The following GRID2 variants were observed in gnomAD, a reference collection of about 807,000 sequenced individuals.
GRID2 encodes the protein glutamate ionotropic receptor delta type subunit 2.
A neutral mutation model predicts 114.8 loss-of-function variants in GRID2; 33 were observed. The ratio of observed to expected loss-of-function variants is 0.29; its 90% CI spans 0.22 to 0.38. The LOEUF (loss-of-function observed/expected upper bound fraction) is 0.38, where lower values mean the gene tolerates loss of function less well. GRID2 is among the 10% of genes least tolerant of loss of function. GRID2 has a pLI of 1.00. For synonymous variants in GRID2, 505 were observed against 449.9 expected (o/e 1.12, Z -1.55); for missense variants, 1,184 against 1,257.7 (o/e 0.94, Z 0.89).
At chr4:92,990,047 A>G (rs1322262832) in intron 2 of GRID2, among the ~76,000 whole-genome samples, 24 of 152,172 alleles carry the variant, frequency 1.6e-4, no homozygotes, top group Admixed American at 1.6e-3. Context: ...AAATACTTTC[A>G]CAGTAATCAA....
chr4:92,878,257 G>A (rs1745771067), intron 2 of GRID2, among the ~76,000 whole-genome samples: 1 of 152,134 alleles, frequency 6.6e-6, no homozygotes, highest in Admixed American at 6.5e-5. Flanking sequence ...ATTCAGTGTA[G>A]GAGGCGGTTT....
At chr4:93,381,207 A>C (rs1763822379) in intron 8 of GRID2, among the ~76,000 whole-genome samples, 1 of 152,052 alleles carries the variant, frequency 6.6e-6, no homozygotes, top group Non-Finnish European at 1.5e-5. Flanking sequence ...CTGAAACTCT[A>C]TACTTAGTAA....
At chr4:92,797,777 T>C (rs1739962259) in intron 2 of GRID2, among the ~76,000 whole-genome samples, 1 of 151,992 alleles carries the variant, frequency 6.6e-6, no homozygotes, top group South Asian at 2.1e-4. Context: ...AATGTATTTA[T>C]TGAAAAAACT....
chr4:92,507,154 T>C lies in GRID2; in HGVS notation c.89-82977T>C, dbSNP rs545999052. Among the ~76,000 whole-genome samples the C allele has an allele frequency of 4.6e-5, 7 of 152,096 alleles. No individual in the cohort carries two copies. In the East Asian group the frequency reaches 1.4e-3, roughly 29 times the overall value. ...CCTTCTATCCCCAGCATTTTGATGATTCTATTCTGTCAGAATATTGTGAGG... is the reference window on the plus strand; with the variant it reads ...CCTTCTATCCCCAGCATTTTGATGACTCTATTCTGTCAGAATATTGTGAGG... On this transcript the variant is annotated intron_variant, in intron 1 of 15. Coordinates refer to ENST00000282020, the MANE Select transcript of GRID2 (RefSeq NM_001510.4).
intron 1 of GRID2, among the ~76,000 whole-genome samples, chr4:92,428,039 G>T (rs982007078): frequency 2.0e-5 from 3 of 152,004 alleles, no homozygotes; most frequent in Non-Finnish European, 2.9e-5. Flanking sequence ...GAGGCGGGCG[G>T]ATCATGAGGT....
At chr4:93,283,557 A>G (rs1032256882) in intron 8 of GRID2, among the ~76,000 whole-genome samples, 2 of 152,114 alleles carry the variant, frequency 1.3e-5, no homozygotes, top group African/African-American at 4.8e-5. Flanking sequence ...CCAAATTTTT[A>G]TAAATTTTAA....
intron 2 of GRID2, among the ~76,000 whole-genome samples, chr4:92,615,800 A>G (rs1219217138): frequency 6.6e-5 from 10 of 151,546 alleles, no homozygotes; most frequent in Admixed American, 2.6e-4. Flanking sequence ...TATTTGTGCT[A>G]GGTATACAAT....
chr4:93,768,445 G>A (rs887046101), intron 14 of GRID2, among the ~76,000 whole-genome samples: 5 of 152,192 alleles, frequency 3.3e-5, no homozygotes, highest in Admixed American at 6.5e-5. Context: ...GCAGTGTGCA[G>A]CTACCCTCAG....
chr4:92,938,203 C>T (rs1007355468), intron 2 of GRID2, among the ~76,000 whole-genome samples: 8 of 146,422 alleles, frequency 5.5e-5, no homozygotes, highest in Non-Finnish European at 9.1e-5. Flanking sequence ...CACACAAAAT[C>T]ATGATATAGG....
chr4:92,921,341 T>C (rs895529204), intron 2 of GRID2, among the ~76,000 whole-genome samples: 2 of 152,150 alleles, frequency 1.3e-5, no homozygotes, highest in African/African-American at 4.8e-5. Flanking sequence ...AGCTTTCTTC[T>C]CTCAACTCGT....
chr4:92,792,026 A>G (rs1167554069), intron 2 of GRID2, among the ~76,000 whole-genome samples: 1 of 151,826 alleles, frequency 6.6e-6, no homozygotes, highest in East Asian at 1.9e-4. Flanking sequence ...TTTTCTGCCA[A>G]TAGTTTTGTC....
chr4:93,457,816 CAG>C (rs1248478868), intron 11 of GRID2, among the ~76,000 whole-genome samples: 1 of 151,886 alleles, frequency 6.6e-6, no homozygotes, highest in Non-Finnish European at 1.5e-5. Flanking sequence ...AAAAATAAAA[CAG>C]AAAAAACAGA....
chr4:93,724,611 G>A (rs1215729594), intron 14 of GRID2, among the ~76,000 whole-genome samples: 2 of 151,980 alleles, frequency 1.3e-5, no homozygotes, highest in East Asian at 1.9e-4. Context: ...TTGTAATTAC[G>A]AAAAGAGACG....
At chr4:92,834,128 T>C (rs1742297665) in intron 2 of GRID2, among the ~76,000 whole-genome samples, 1 of 152,166 alleles carries the variant, frequency 6.6e-6, no homozygotes, top group Non-Finnish European at 1.5e-5. Flanking sequence ...CTTAAAGGAT[T>C]TCCCCTGAAC....
intron 2 of GRID2, among the ~76,000 whole-genome samples, chr4:92,771,928 G>A (rs1477072028): frequency 6.6e-6 from 1 of 152,142 alleles, no homozygotes; most frequent in Non-Finnish European, 1.5e-5. Context: ...CAAGGATCAG[G>A]AAAATACGTC....
At chr4:93,495,975 C>T (rs1410037639) in intron 12 of GRID2, among the ~76,000 whole-genome samples, 1 of 151,738 alleles carries the variant, frequency 6.6e-6, no homozygotes, top group Non-Finnish European at 1.5e-5. Context: ...GTTTAGGCTG[C>T]GTTTCACATG....
At position 93,322,869 on chromosome 4, in the gene GRID2, T is replaced by C. The variant is rs577841519; in HGVS notation, c.1246-72738T>C. On this transcript the variant is annotated intron_variant, in intron 8 of 15. Transcript: ENST00000282020. ...CTTTTGAGAAGTGTCTGTTCATATC[T>C]TTTGCCCACTTTTTAATGGGGTTGT... is the stretch of plus-strand genomic sequence containing the variant. Among the ~76,000 whole-genome samples, 5 of 152,178 alleles carry C rather than the reference T, an allele frequency of 3.3e-5. No homozygotes were observed. The East Asian group carries it at 7.7e-4, about 24-fold the overall frequency.
downstream of GRID2, among the ~76,000 whole-genome samples, chr4:93,776,608 C>T (rs989408566): frequency 5.9e-5 from 9 of 152,094 alleles, no homozygotes; most frequent in African/African-American, 2.2e-4. Flanking sequence ...AATGAGTCAC[C>T]CCAAACCAGC....
At chr4:92,989,688 A>G (rs1754746886) in intron 2 of GRID2, among the ~76,000 whole-genome samples, 1 of 152,196 alleles carries the variant, frequency 6.6e-6, no homozygotes, top group South Asian at 2.1e-4. Context: ...CAAATAAATT[A>G]CACACCAATA....
Sources: allele counts gnomAD v4.1 joint callset (sites outside exome capture counted in the v4.1 genomes callset), GRCh38; gene constraint gnomAD v4.1.1; transcripts MANE v1.5; gene names NCBI Gene and HGNC (gene_info 2026-07-23, HGNC 2026-07-21).